USH2A: variants seen among roughly 807,000 people sequenced by gnomAD.
USH2A encodes usherin.
USH2A carries 443 observed loss-of-function variants against 538.9 expected under a neutral mutation model. The observed-to-expected ratio is 0.82, with a 90% CI of 0.76 to 0.89. The LOEUF (loss-of-function observed/expected upper bound fraction) is 0.89. USH2A is among the 40% of genes least tolerant of loss of function. USH2A has a pLI of 0.00. For missense variants in USH2A, 6,633 were observed against 6,324.8 expected (o/e 1.05, Z -1.65); for synonymous variants, 2,413 against 2,273.5 (o/e 1.06, Z -1.75).
chr1:216,384,206 A>T (rs1051011232), intron 3 of USH2A, among the ~76,000 whole-genome samples: 25 of 151,934 alleles, frequency 1.6e-4, no homozygotes, highest in South Asian at 2.1e-4. Flanking sequence ...AAAAAAATTT[A>T]AAATTATTTT....
intron 32 of USH2A, 79 bp downstream of exon 32, chr1:216,046,352 G>T: frequency 2.6e-6 from 4 of 1,546,914 alleles, no homozygotes; most frequent in Non-Finnish European, 3.6e-6. Context: ...GGAACCCCTG[G>T]ATATCGAGAG....
intron 9 of USH2A, among the ~76,000 whole-genome samples, chr1:216,317,168 G>T (rs2037524813): frequency 6.6e-6 from 1 of 152,108 alleles, no homozygotes; most frequent in Non-Finnish European, 1.5e-5. Flanking sequence ...ATTCCTCAAA[G>T]ATCTAGAGGC....
At position 215,900,823 on chromosome 1, in the gene USH2A, A is replaced by C. The variant is rs1310804521; in HGVS notation, c.7383T>G (p.Asn2461Lys). ...LQVVWSTPAR[N>K]NAPGSPRYQL... is the part of the protein sequence containing the mutation. Reference sequence around the variant, plus strand: ...GGTATCTGGGAGAGCCAGGAGCGTTATTACGAGCTGGTGTAGACCAGACAA... The same window carrying C: ...GGTATCTGGGAGAGCCAGGAGCGTTCTTACGAGCTGGTGTAGACCAGACAA... The change falls in exon 39 of 72, where the codon AAT becomes AAG. Residue 2461 changes from asparagine (N) to lysine (K), a missense_variant. Asn to Lys is a moderately conservative substitution (Grantham distance 94). Coordinates refer to ENST00000307340, the MANE Select transcript of USH2A (RefSeq NM_206933.4). The C allele has an allele frequency of 2.5e-6, 4 of 1,613,868 alleles. No individual in the cohort carries two copies. Among genetic ancestry groups the C allele is most frequent in the Non-Finnish European group, 2.5e-6 (3 of 1,179,822 alleles).
intron 9 of USH2A, among the ~76,000 whole-genome samples, chr1:216,313,316 T>C (rs1381619532): frequency 1.3e-5 from 2 of 152,076 alleles, no homozygotes; most frequent in African/African-American, 2.4e-5. Context: ...GGCCCAGGGG[T>C]TGGGGACCCC....
intron 56 of USH2A, among the ~76,000 whole-genome samples, chr1:215,766,320 T>C (rs1224530046): frequency 6.6e-6 from 1 of 152,224 alleles, no homozygotes; most frequent in Admixed American, 6.5e-5. Context: ...CTATCACTTC[T>C]ACTTGATTGT....
rs1482427125 is a variant in USH2A at position 215,650,585 on chromosome 1, T to C, written c.14343+7A>G. ...ACCAGTCCTGGATTTTTAGCTCTGC[T>C]GCTCACCACTGTCTCAGCCCCATGG... On this transcript the variant is annotated splice_region_variant and intron_variant, in intron 65 of 71. Transcript: ENST00000307340. 1 of 1,614,196 alleles carries C rather than the reference T, an allele frequency of 6.2e-7. No individual in the cohort carries two copies. The highest frequency in any genetic ancestry group is 8.5e-7 in the Non-Finnish European group (1 of 1,180,034).
chr1:216,177,094 T>C (rs755913699), intron 20 of USH2A, among the ~76,000 whole-genome samples: 2 of 152,170 alleles, frequency 1.3e-5, no homozygotes, highest in Admixed American at 6.5e-5. Context: ...GTGCAATTGC[T>C]GTATCATATG....
chr1:215,709,899 G>C (rs1268813555), intron 61 of USH2A, among the ~76,000 whole-genome samples: 1 of 152,192 alleles, frequency 6.6e-6, no homozygotes, highest in African/African-American at 2.4e-5. Flanking sequence ...TTCTAGGGTT[G>C]AATGATTTGA....
intron 61 of USH2A, among the ~76,000 whole-genome samples, chr1:215,705,847 T>C (rs1483269698): frequency 6.6e-6 from 1 of 152,238 alleles, no homozygotes; most frequent in African/African-American, 2.4e-5. Context: ...ACTTTGGCCG[T>C]GCACACATAA....
chr1:215,664,987 G>A (rs1391326083), intron 64 of USH2A, among the ~76,000 whole-genome samples: 2 of 152,188 alleles, frequency 1.3e-5, no homozygotes, highest in African/African-American at 2.4e-5. Context: ...AGGTTAATGT[G>A]CTCAAATATC....
At chr1:216,070,348 C>T (rs2031519143) in intron 29 of USH2A, 56 bp from the exon 30 acceptor site, 3 of 1,524,022 alleles carry the variant, frequency 2.0e-6, no homozygotes, top group African/African-American at 1.4e-5. Flanking sequence ...AAGACTATTG[C>T]TCCTATTCTT....
At chr1:215,813,612 G>T in intron 49 of USH2A, 124 bp downstream of exon 49, 3 of 1,121,260 alleles carry the variant, frequency 2.7e-6, no homozygotes, top group Non-Finnish European at 2.7e-6. Flanking sequence ...CAGGCCATTG[G>T]CTATGTGTTT....
At chr1:216,138,225 G>A (rs1447985207) in intron 21 of USH2A, among the ~76,000 whole-genome samples, 2 of 152,028 alleles carry the variant, frequency 1.3e-5, no homozygotes, top group Non-Finnish European at 1.5e-5. Context: ...GATAATGGCC[G>A]GTACACAGCA....
At chr1:216,038,583 A>G (rs1330503232) in intron 32 of USH2A, among the ~76,000 whole-genome samples, 1 of 152,046 alleles carries the variant, frequency 6.6e-6, no homozygotes, top group African/African-American at 2.4e-5. Flanking sequence ...CACCTGAGTC[A>G]AGATTTGAGG....
At chr1:215,649,059 G>T (rs549414056) in intron 65 of USH2A, among the ~76,000 whole-genome samples, 6 of 152,298 alleles carry the variant, frequency 3.9e-5, no homozygotes, top group Admixed American at 2.0e-4. Flanking sequence ...AAAGGTATTA[G>T]AAAATGGCAC....
intron 21 of USH2A, among the ~76,000 whole-genome samples, chr1:216,165,728 G>T (rs933065285): frequency 6.6e-6 from 1 of 151,226 alleles, no homozygotes; most frequent in East Asian, 1.9e-4. Context: ...GTCTTATGCC[G>T]TGCAAGACAC....
intron 21 of USH2A, among the ~76,000 whole-genome samples, chr1:216,109,070 G>A (rs1055479526): frequency 6.6e-6 from 1 of 152,026 alleles, no homozygotes; most frequent in Admixed American, 6.6e-5. Context: ...TTGAGCTAGC[G>A]GGGGACTTGG....
At chr1:216,052,317 C>T (rs1488785892) in intron 30 of USH2A, among the ~76,000 whole-genome samples, 1 of 112,362 alleles carries the variant, frequency 8.9e-6, no homozygotes, top group African/African-American at 3.5e-5. Flanking sequence ...CCCGGTGAAA[C>T]AATAATAAGC....
Position 215,741,484 on chromosome 1 carries a change from T to C in USH2A, c.11602A>G (p.Met3868Val), listed in dbSNP as rs35309576. The change falls in exon 60 of 72, where the codon ATG (methionine) becomes GTG (valine). Residue 3868 changes from methionine (M) to valine (V), a missense_variant. Met to Val is a conservative substitution (Grantham distance 21). Transcript: ENST00000307340. ...MFVKTPEAAPMDLNSPVLKAL... is the reference protein window; with the variant it reads ...MFVKTPEAAPVDLNSPVLKAL... ...TTAAGAACAGGAGAATTAAGATCCATTGGGGCTGCTTCAGGTGTTTTGACA... is the reference window on the plus strand; with the variant it reads ...TTAAGAACAGGAGAATTAAGATCCACTGGGGCTGCTTCAGGTGTTTTGACA... The C allele has an allele frequency of 0.22, 348,855 of 1,613,586 alleles. 38,998 individuals are homozygous for C. The highest frequency in any genetic ancestry group is 0.23 in the Non-Finnish European group (271,353 of 1,179,844).
Sources: gnomAD v4.1 joint callset for allele counts (sites outside exome capture counted in the v4.1 genomes callset) on GRCh38, gnomAD v4.1.1 for gene constraint, MANE v1.5 for transcripts, NCBI Gene and HGNC (gene_info 2026-07-23, HGNC 2026-07-21) for gene names.